The following CNBD2 variants were observed in gnomAD, a reference collection of about 807,000 sequenced individuals.
CNBD2 encodes the protein cyclic nucleotide binding domain containing 2, also known as cyclic nucleotide-binding domain-containing protein 2.
Under a neutral mutation model 63.7 loss-of-function variants are expected in CNBD2, and 64 were observed. That is an observed-to-expected ratio of 1.00 (90% CI 0.82 to 1.24). The LOEUF (loss-of-function observed/expected upper bound fraction) is 1.24, where lower values mean the gene tolerates loss of function less well. CNBD2 is among the 50% of genes most tolerant of loss of function. The pLI, the probability that CNBD2 is intolerant of heterozygous loss-of-function variation, is 0.00. For synonymous variants in CNBD2, 229 were observed against 255.4 expected, an observed-to-expected ratio of 0.90 and a Z score of 0.99; for missense variants, 691 against 713.5, an observed-to-expected ratio of 0.97 and a Z score of 0.36.
At chr20:35,999,589 G>T (rs1318436569) in intron 8 of CNBD2, among the ~76,000 whole-genome samples, 1 of 151,562 alleles carries the variant, frequency 6.6e-6, no homozygotes, top group Non-Finnish European at 1.5e-5. Context: ...TCTCCTCCTA[G>T]ATATTATGCT....
intron 10 of CNBD2, among the ~76,000 whole-genome samples, chr20:36,011,544 G>T (rs886138386): frequency 2.6e-5 from 4 of 152,058 alleles, no homozygotes; most frequent in African/African-American, 9.7e-5. Flanking sequence ...AATTAGCTGG[G>T]CATGGTGGTG....
At chr20:35,973,412 GTTTC>G (rs1475425486) in intron 2 of CNBD2, 1 of 152,316 alleles carries the variant, frequency 6.6e-6, no homozygotes, top group Non-Finnish European at 1.5e-5. Context: ...CGGTGACCAT[GTTTC>G]TTTTATTTTT....
At chr20:36,029,193 G>A (rs1204790716) in intron 11 of CNBD2, among the ~76,000 whole-genome samples, 2 of 152,152 alleles carry the variant, frequency 1.3e-5, no homozygotes, top group Non-Finnish European at 2.9e-5. Context: ...CTAAGAATTA[G>A]TCATCACATG....
chr20:35,975,463 G>A (rs1205403521), intron 2 of CNBD2, among the ~76,000 whole-genome samples: 94 of 92,504 alleles, frequency 1.0e-3, no homozygotes, highest in Non-Finnish European at 1.2e-3. Flanking sequence ...ACCACGCCCG[G>A]CTAATTTTTT....
chr20:36,013,432 GA>G (rs771916675), intron 10 of CNBD2, among the ~76,000 whole-genome samples: 2 of 151,798 alleles, frequency 1.3e-5, no homozygotes, highest in Admixed American at 6.6e-5. Flanking sequence ...AAAGAAAAAA[GA>G]AAAAAATCAT....
chr20:35,980,551 G>C lies in CNBD2; in HGVS notation c.336G>C (p.Gln112His). 1.9e-6 allele frequency: 3 copies of C among 1,614,194 alleles called. No homozygotes were observed. Among genetic ancestry groups the C allele is most frequent in the Non-Finnish European group, 2.5e-6 (3 of 1,180,034 alleles). ...DEIQAVCNIL[Q>H]VLDSYRNYAE... is the part of the protein sequence containing the mutation. ...TCCAGGCCGTCTGTAACATCTTGCAGGTTCTGGATAGCTATCGGAACTACG... is the reference window on the plus strand; with the variant it reads ...TCCAGGCCGTCTGTAACATCTTGCACGTTCTGGATAGCTATCGGAACTACG... The change falls in exon 4 of 12, where the codon CAG (glutamine) becomes CAC (histidine). Residue 112 changes from glutamine to histidine, a missense_variant. Transcript: ENST00000373973.
intron 7 of CNBD2, among the ~76,000 whole-genome samples, chr20:35,992,671 T>C (rs2056762782): frequency 6.6e-6 from 1 of 152,150 alleles, no homozygotes; most frequent in Non-Finnish European, 1.5e-5. Flanking sequence ...AGATTTTATA[T>C]AAAAATTCTG....
At chr20:35,981,720 G>T (rs887877009) in intron 4 of CNBD2, among the ~76,000 whole-genome samples, 2 of 152,070 alleles carry the variant, frequency 1.3e-5, no homozygotes, top group African/African-American at 4.8e-5. Flanking sequence ...GATTACAGAC[G>T]TGTACCACCG....
chr20:35,984,178 G>A (rs1369773416), intron 5 of CNBD2, 40 bp downstream of exon 5: 2 of 1,559,946 alleles, frequency 1.3e-6, no homozygotes, highest in Non-Finnish European at 1.7e-6. Context: ...GGGGTGGAGT[G>A]GGTGGAGGTG....
intron 7 of CNBD2, among the ~76,000 whole-genome samples, chr20:35,987,734 G>A (rs1601043761): frequency 1.3e-5 from 2 of 152,306 alleles, no homozygotes; most frequent in Admixed American, 1.3e-4. Context: ...TGGCTATTGT[G>A]TTAGAAAGAG....
chr20:36,024,887 G>T (rs1891152), intron 11 of CNBD2, among the ~76,000 whole-genome samples: 4,886 of 149,414 alleles, frequency 0.033, 157 homozygotes, highest in South Asian at 0.17. Flanking sequence ...GTAAGCCAAG[G>T]TTGCACCTTT....
chr20:36,026,790 C>T (rs1488754624), intron 11 of CNBD2, among the ~76,000 whole-genome samples: 1 of 152,170 alleles, frequency 6.6e-6, no homozygotes, highest in East Asian at 1.9e-4. Context: ...ATAAGTACCC[C>T]CTTTCTGCAC....
At position 35,992,803 on chromosome 20, in the gene CNBD2, T is replaced by C. The variant is rs537154385; in HGVS notation, c.856-2235T>C. Among the ~76,000 whole-genome samples, 5 of 119,310 alleles carry C rather than the reference T, an allele frequency of 4.2e-5. No individual in the cohort carries two copies. In the South Asian group the frequency reaches 1.4e-3, roughly 32 times the overall value. 78.3% of individuals were successfully genotyped at this position (119,310 alleles called of 152,430 possible). A position where few individuals can be genotyped will look rare whatever the true frequency, so the allele number is the denominator to read the frequency against. ...AAAGCACCAGCCCCCTCTAAAGGAC[T>C]GCTCTTTTCTCTCTTTTTTTTTCCT... On this transcript the variant is annotated intron_variant, in intron 7 of 11. Transcript: ENST00000373973.
intron 6 of CNBD2, among the ~76,000 whole-genome samples, chr20:35,985,487 CTTTT>C (rs376746279): frequency 2.2e-5 from 3 of 134,162 alleles, no homozygotes; most frequent in African/African-American, 2.8e-5. Flanking sequence ...ACTATAATTC[CTTTT>C]TTTTTTTTTT....
At chr20:35,961,853 C>T (rs556313151) in intron 2 of CNBD2, among the ~76,000 whole-genome samples, 42 of 152,240 alleles carry the variant, frequency 2.8e-4, no homozygotes, top group African/African-American at 9.4e-4. Flanking sequence ...AGCTGTAGGG[C>T]TATAAAAATG....
At chr20:36,008,594 C>A in intron 9 of CNBD2, 120 bp downstream of exon 9, 3 of 1,013,204 alleles carry the variant, frequency 3.0e-6, no homozygotes, top group Non-Finnish European at 4.2e-6. Context: ...ACAGGTCAAT[C>A]CCAAAGGATT....
In CNBD2 at chr20:36,008,281, G is replaced by A; in HGVS notation, c.971-16G>A. ...CAAAGATCCATAAGTATCTTTTCCT[G>A]TGCTTTCTCTAACAGAATACTCTCC... On this transcript the variant is annotated splice_polypyrimidine_tract_variant and intron_variant, in intron 8 of 11. Coordinates refer to ENST00000373973, the MANE Select transcript of CNBD2 (RefSeq NM_001365709.1). The A allele has an allele frequency of 3.1e-6, 5 of 1,591,062 alleles. No individual in the cohort carries two copies. Among genetic ancestry groups the A allele is most frequent in the South Asian group, 1.1e-5 (1 of 87,806 alleles).
intron 8 of CNBD2, among the ~76,000 whole-genome samples, chr20:36,006,994 C>T (rs1318330891): frequency 6.6e-6 from 1 of 152,050 alleles, no homozygotes; most frequent in Non-Finnish European, 1.5e-5. Flanking sequence ...TTGAGACAAT[C>T]CTGACTAACA....
chr20:35,966,630 A>G (rs551424461), upstream of CNBD2, among the ~76,000 whole-genome samples: 1 of 152,160 alleles, frequency 6.6e-6, no homozygotes, highest in Admixed American at 6.5e-5. Flanking sequence ...GATTTGGGTG[A>G]GGTCTTCTGT....
Sources: gnomAD v4.1 joint callset for allele counts (sites outside exome capture counted in the v4.1 genomes callset) on GRCh38, gnomAD v4.1.1 for gene constraint, MANE v1.5 for transcripts, NCBI Gene and HGNC (gene_info 2026-07-23, HGNC 2026-07-21) for gene names.